SLC35E4: variants seen among roughly 807,000 people sequenced by gnomAD.
SLC35E4 encodes solute carrier family 35 member E4.
SLC35E4 carries 15 observed loss-of-function variants against 19.3 expected under a neutral mutation model. The ratio of observed to expected loss-of-function variants is 0.78; its 90% CI spans 0.52 to 1.20. The LOEUF is 1.20. Ranked by LOEUF, SLC35E4 falls within the 50% of genes most tolerant of loss-of-function variation. The probability of loss-of-function intolerance (pLI) is 0.00; values close to 1 mark genes in which losing one functional copy is unlikely to be tolerated. For missense variants in SLC35E4, 406 were observed against 472.3 expected (o/e 0.86, Z 1.30); for synonymous variants, 219 against 219.9 (o/e 1.00, Z 0.04).
At chr22:30,666,643 A>AAAAAAAAAAAAC (rs1258874924), downstream of SLC35E4, among the ~76,000 whole-genome samples, 1 of 151,326 alleles carries the variant, frequency 6.6e-6, no homozygotes, top group Non-Finnish European at 1.5e-5. Flanking sequence ...AAAAAAAAAA[A>AAAAAAAAAAAAC]AAAGCAATCT....
intron 1 of SLC35E4, among the ~76,000 whole-genome samples, chr22:30,644,648 A>G (rs2088099004): frequency 6.6e-6 from 1 of 152,186 alleles, no homozygotes; most frequent in East Asian, 1.9e-4. Flanking sequence ...GGAGGCTGAG[A>G]AGGGAGGATC....
At chr22:30,663,865 TG>T (rs756865848), downstream of SLC35E4, 3 of 1,614,002 alleles carry the variant, frequency 1.9e-6, no homozygotes, top group South Asian at 3.3e-5. Context: ...ATGACCATGG[TG>T]ATCTGGTTGC....
chr22:30,645,993 A>G (rs1458817115), intron 1 of SLC35E4, among the ~76,000 whole-genome samples: 1 of 150,860 alleles, frequency 6.6e-6, no homozygotes, highest in African/African-American at 2.4e-5. Context: ...TAATATTTGT[A>G]TTGTGTAGAG....
At chr22:30,655,618 G>A (rs2088325607) in intron 2 of SLC35E4, among the ~76,000 whole-genome samples, 2 of 151,894 alleles carry the variant, frequency 1.3e-5, no homozygotes, top group South Asian at 4.2e-4. Flanking sequence ...CCAGGAACTA[G>A]CTAGAAGGAG....
exon 3 of SLC35E4, chr22:30,663,278 AT>A: frequency 1.4e-6 from 1 of 739,334 alleles, no homozygotes; most frequent in Non-Finnish European, 2.1e-6. Context: ...AAAATGGATT[AT>A]AAAGTTAAAA....
At position 30,636,325 on chromosome 22, in the gene SLC35E4, C is replaced by T. The variant is rs566479976; in HGVS notation, c.-126C>T. 7.7e-7 allele frequency: 1 copy of T among 1,306,870 alleles called. No homozygotes were observed. The highest frequency in any genetic ancestry group is 1.6e-5 in the South Asian group (1 of 63,584). 81.0% of individuals were successfully genotyped at this position (1,306,870 alleles called of 1,614,324 possible). A position where few individuals can be genotyped will look rare whatever the true frequency, so the allele number is the denominator to read the frequency against. On this transcript the variant is annotated 5_prime_UTR_variant, in exon 1 of 2. Coordinates refer to ENST00000343605, the MANE Select transcript of SLC35E4 (RefSeq NM_001001479.4). ...GCCTGGCACAAGTAAGCAGTGTCCT[C>T]ACCTGTCTGAAACGGGACACGGGGT...
intron 2 of SLC35E4, among the ~76,000 whole-genome samples, chr22:30,659,992 C>G (rs183919791): frequency 6.6e-6 from 1 of 152,338 alleles, no homozygotes; most frequent in East Asian, 1.9e-4. Context: ...CAACCCCCAG[C>G]TGACAGCTAA....
At chr22:30,663,134 C>G (rs1404738808) in exon 3 of SLC35E4, 5 of 302,634 alleles carry the variant, frequency 1.7e-5, no homozygotes, top group Non-Finnish European at 3.1e-5. Flanking sequence ...CTGCAGGATT[C>G]CAGGCCTGCC....
At chr22:30,640,507 G>A (rs1485889336) in intron 1 of SLC35E4, among the ~76,000 whole-genome samples, 1 of 152,222 alleles carries the variant, frequency 6.6e-6, no homozygotes, top group African/African-American at 2.4e-5. Flanking sequence ...AGGGCTCTGG[G>A]CAGTTTAGGG....
chr22:30,657,458 C>CAA (rs35221023), intron 2 of SLC35E4, among the ~76,000 whole-genome samples: 1 of 140,738 alleles, frequency 7.1e-6, no homozygotes, highest in African/African-American at 2.7e-5. Flanking sequence ...GACTCTGTCT[C>CAA]AAAAAAAAAA....
At chr22:30,655,965 T>C (rs1412139102) in intron 2 of SLC35E4, among the ~76,000 whole-genome samples, 1 of 151,876 alleles carries the variant, frequency 6.6e-6, no homozygotes, top group East Asian at 1.9e-4. Flanking sequence ...ATTCATTTAT[T>C]GAGGCACCAC....
At chr22:30,657,276 AACAC>A (rs146940549) in intron 2 of SLC35E4, among the ~76,000 whole-genome samples, 2 of 14,172 alleles carry the variant, frequency 1.4e-4, no homozygotes, top group Non-Finnish European at 2.9e-4. Flanking sequence ...CTCTACTAAA[AACAC>A]ACACACACAC....
At chr22:30,653,759 TGGA>T (rs1242627683) in intron 2 of SLC35E4, 1 of 152,156 alleles carries the variant, frequency 6.6e-6, no homozygotes, top group East Asian at 1.9e-4. Context: ...AGACTTTCTT[TGGA>T]GGAGAACCCT....
chr22:30,667,196 G>A (rs2088705349), downstream of SLC35E4: 1 of 152,156 alleles, frequency 6.6e-6, no homozygotes, highest in African/African-American at 2.4e-5. Context: ...TACAAAAGAG[G>A]AAAGTGAGAC....
At chr22:30,649,297 C>T, downstream of SLC35E4, 1 of 713,058 alleles carries the variant, frequency 1.4e-6, no homozygotes, top group Non-Finnish European at 2.6e-6. Context: ...GGGTATTCAC[C>T]CAACCTTTCT....
chr22:30,645,721 T>C (rs2088117942), intron 1 of SLC35E4, among the ~76,000 whole-genome samples: 1 of 151,560 alleles, frequency 6.6e-6, no homozygotes, highest in Admixed American at 6.6e-5. Flanking sequence ...AGTAGCATCA[T>C]CATAGCTCAC....
chr22:30,649,124 G>C (rs1446546638), downstream of SLC35E4: 2 of 714,514 alleles, frequency 2.8e-6, no homozygotes, highest in Admixed American at 2.0e-5. Flanking sequence ...ACCTAATCCT[G>C]CTCTGCCCAC....
chr22:30,655,415 G>C (rs994231774), intron 2 of SLC35E4, among the ~76,000 whole-genome samples: 2 of 111,176 alleles, frequency 1.8e-5, no homozygotes, highest in African/African-American at 3.6e-5. Context: ...CTGGGTAACA[G>C]AGTGAGATCC....
chr22:30,639,499 T>A (rs2088002539), intron 1 of SLC35E4, among the ~76,000 whole-genome samples: 1 of 152,174 alleles, frequency 6.6e-6, no homozygotes, highest in African/African-American at 2.4e-5. Context: ...GGGAATTTCC[T>A]CGTCCTAATA....
Sources: gnomAD v4.1 joint callset for allele counts (sites outside exome capture counted in the v4.1 genomes callset) on GRCh38, gnomAD v4.1.1 for gene constraint, MANE v1.5 for transcripts, NCBI Gene and HGNC (gene_info 2026-07-23, HGNC 2026-07-21) for gene names.